STRN: variants seen among roughly 807,000 people sequenced by gnomAD.
STRN encodes protein phosphatase 2 regulatory subunit B'''alpha.
STRN carries 53 observed loss-of-function variants against 96.3 expected under a neutral mutation model. The observed-to-expected ratio is 0.55, with a 90% CI of 0.44 to 0.69. The LOEUF is 0.69. Among genes scored for constraint, STRN ranks in the 30% least tolerant of loss-of-function variants. The pLI is 0.00. For missense variants in STRN, 987 were observed against 963.9 expected (o/e 1.02, Z -0.32); for synonymous variants, 428 against 355.9 (o/e 1.20, Z -2.28).
At chr2:36,929,356 C>T (rs111646549) in intron 1 of STRN, among the ~76,000 whole-genome samples, 2 of 151,954 alleles carry the variant, frequency 1.3e-5, no homozygotes, top group Non-Finnish European at 2.9e-5. Context: ...ATTTAAAATG[C>T]ACCATTTAAT....
intron 1 of STRN, among the ~76,000 whole-genome samples, chr2:36,934,042 G>C (rs375235948): frequency 6.6e-6 from 1 of 152,146 alleles, no homozygotes; most frequent in African/African-American, 2.4e-5. Context: ...CTAGGAGGCA[G>C]AGCTTGCAGT....
At chr2:36,947,340 C>A (rs929163375) in intron 1 of STRN, among the ~76,000 whole-genome samples, 1 of 151,700 alleles carries the variant, frequency 6.6e-6, no homozygotes, top group South Asian at 2.1e-4. Flanking sequence ...AAAATTAAAT[C>A]GAAATGTCAA....
chr2:36,849,867 A>T (rs1247405678), intron 16 of STRN, 67 bp from the exon 17 acceptor site: 22 of 1,490,682 alleles, frequency 1.5e-5, no homozygotes, highest in Non-Finnish European at 9.3e-7. Context: ...GCCAGCTACC[A>T]TGTCCTGCTG....
Position 36,899,639 on chromosome 2 carries a change from A to C in STRN, c.679T>G (p.Ser227Ala). Residue 227 changes from serine (S) to alanine (A), a missense_variant, in exon 6 of 18, where the codon TCT (serine) becomes GCT (alanine). Coordinates refer to ENST00000263918, the MANE Select transcript of STRN (RefSeq NM_003162.4). ...AMIAKSELTD[S>A]ASVLDNFKFL... Reference sequence around the variant, plus strand: ...TTGAAATTATCCAGCACGGAGGCAGAATCTGTTAACTCAGATTTTCTGGTG... The same window carrying C: ...TTGAAATTATCCAGCACGGAGGCAGCATCTGTTAACTCAGATTTTCTGGTG... 6.2e-7 allele frequency: 1 copy of C among 1,610,896 alleles called. No individual in the cohort carries two copies. The highest frequency in any genetic ancestry group is 1.1e-5 in the South Asian group (1 of 90,548).
chr2:36,928,578 G>A (rs1290056988), intron 1 of STRN, among the ~76,000 whole-genome samples: 1 of 151,742 alleles, frequency 6.6e-6, no homozygotes, highest in Non-Finnish European at 1.5e-5. Context: ...CTCAAACCCA[G>A]GAGGCGGAGG....
chr2:36,868,451 A>C (rs1668683387), intron 11 of STRN, among the ~76,000 whole-genome samples: 2 of 152,230 alleles, frequency 1.3e-5, no homozygotes, highest in Non-Finnish European at 2.9e-5. Context: ...CATTACTCAG[A>C]ACACCATTAT....
rs762913079 is a variant in STRN at position 36,925,207 on chromosome 2, G to T, written c.236C>A (p.Ala79Asp). 2 of 1,613,042 alleles carry T rather than the reference G, an allele frequency of 1.2e-6. No individual in the cohort carries two copies. Among genetic ancestry groups the T allele is most frequent in the South Asian group, 2.2e-5 (2 of 91,034 alleles). ...QWEVERAELQ[A>D]QIAFLQGERK... ...TTCTCCCTGCAGGAAGGCAATCTGG[G>T]CCTGAGTAGGGGAAAGACAGAAAAA... The change falls in exon 2 of 18, where the codon GCC becomes GAC. Residue 79 changes from alanine to aspartate, a missense_variant and splice_region_variant. Transcript: ENST00000263918.
intron 10 of STRN, among the ~76,000 whole-genome samples, chr2:36,871,371 C>T (rs1474309023): frequency 6.6e-6 from 1 of 152,086 alleles, no homozygotes; most frequent in Non-Finnish European, 1.5e-5. Context: ...TTTACTGGAC[C>T]TTTTCTATGT....
At chr2:36,891,033 C>G (rs1272214516) in intron 7 of STRN, among the ~76,000 whole-genome samples, 1 of 152,124 alleles carries the variant, frequency 6.6e-6, no homozygotes, top group Non-Finnish European at 1.5e-5. Flanking sequence ...AATATTTGTA[C>G]TATACTGGTT....
At chr2:36,941,553 C>T (rs1572690886) in intron 1 of STRN, among the ~76,000 whole-genome samples, 1 of 145,098 alleles carries the variant, frequency 6.9e-6, no homozygotes, top group African/African-American at 2.5e-5. Context: ...CTTATGTAAA[C>T]TTTTTTTTTT....
intron 1 of STRN, among the ~76,000 whole-genome samples, chr2:36,957,779 G>A (rs1664931934): frequency 1.0e-5 from 1 of 99,464 alleles, no homozygotes; most frequent in African/African-American, 3.9e-5. Context: ...TTTTGAGGTG[G>A]AGTCTCTGTT....
At chr2:36,880,411 A>T (rs2148168443) in intron 9 of STRN, among the ~76,000 whole-genome samples, 1 of 152,280 alleles carries the variant, frequency 6.6e-6, no homozygotes, top group Non-Finnish European at 1.5e-5. Context: ...CTGCACTCCA[A>T]CCTAGGCAAC....
At chr2:36,941,814 A>G (rs2148254417) in intron 1 of STRN, among the ~76,000 whole-genome samples, 1 of 151,948 alleles carries the variant, frequency 6.6e-6, no homozygotes, top group South Asian at 2.1e-4. Context: ...CGGCCTCCCA[A>G]AGTGCTGGGA....
chr2:36,862,880 C>T lies in STRN; in HGVS notation c.1548-1627G>A, dbSNP rs551338779. 4.6e-5 allele frequency among the ~76,000 whole-genome samples: 7 copies of T among 152,080 alleles called. No homozygotes were observed. In the South Asian group the frequency reaches 1.0e-3, roughly 23 times the overall value. Reference sequence around the variant, plus strand: ...CTCTCCGAGTAGCTGGGACTACAGGCGCCCACCACCACGCCCGTCTAATTT... The same window carrying T: ...CTCTCCGAGTAGCTGGGACTACAGGTGCCCACCACCACGCCCGTCTAATTT... On this transcript the variant is annotated intron_variant, in intron 12 of 17. Transcript: ENST00000263918.
At chr2:36,926,922 C>T (rs1283822214) in intron 1 of STRN, among the ~76,000 whole-genome samples, 5 of 152,114 alleles carry the variant, frequency 3.3e-5, no homozygotes, top group Admixed American at 3.3e-4. Context: ...AAGGAAATGA[C>T]AGCCCAACTT....
intron 3 of STRN, among the ~76,000 whole-genome samples, chr2:36,912,912 C>T (rs963842937): frequency 6.6e-6 from 1 of 152,152 alleles, no homozygotes; most frequent in Admixed American, 6.5e-5. Flanking sequence ...CCCCTACATC[C>T]AATCAAGAAG....
chr2:36,944,340 A>G (rs573805608), intron 1 of STRN, among the ~76,000 whole-genome samples: 1 of 152,342 alleles, frequency 6.6e-6, no homozygotes, highest in Non-Finnish European at 1.5e-5. Context: ...CCTCATAGGT[A>G]GAAGGAAATA....
At chr2:36,933,146 T>C (rs560891304) in intron 1 of STRN, among the ~76,000 whole-genome samples, 1 of 152,072 alleles carries the variant, frequency 6.6e-6, no homozygotes, top group Admixed American at 6.6e-5. Flanking sequence ...CAGTCAACCA[T>C]CTATCAAAAA....
intron 1 of STRN, among the ~76,000 whole-genome samples, chr2:36,949,455 G>A (rs893065018): frequency 1.3e-5 from 2 of 152,144 alleles, no homozygotes; most frequent in African/African-American, 2.4e-5. Flanking sequence ...AAGCCTGGGA[G>A]GCAATACTAT....
Sources: allele counts gnomAD v4.1 joint callset (sites outside exome capture counted in the v4.1 genomes callset), GRCh38; gene constraint gnomAD v4.1.1; transcripts MANE v1.5; gene names NCBI Gene and HGNC (gene_info 2026-07-23, HGNC 2026-07-21).